HCRTR2: variants seen among roughly 807,000 people sequenced by gnomAD.
The protein encoded by HCRTR2 is orexin receptor type 2.
Under a neutral mutation model 49.0 loss-of-function variants are expected in HCRTR2, and 22 were observed. The observed-to-expected ratio is 0.45, with a 90% CI of 0.32 to 0.64. The LOEUF (loss-of-function observed/expected upper bound fraction) is 0.64, where lower values mean the gene tolerates loss of function less well. Ranked by LOEUF, HCRTR2 falls within the 30% of genes least tolerant of loss-of-function variation. HCRTR2 has a pLI of 0.04. For synonymous variants in HCRTR2, 236 were observed against 205.3 expected, an observed-to-expected ratio of 1.15 and a Z score of -1.28; for missense variants, 491 against 559.4, an observed-to-expected ratio of 0.88 and a Z score of 1.23.
chr6:55,220,075 C>T (rs1335873817), intron 1 of HCRTR2, among the ~76,000 whole-genome samples: 1 of 151,894 alleles, frequency 6.6e-6, no homozygotes, highest in Non-Finnish European at 1.5e-5. Flanking sequence ...AAAAGAAAAT[C>T]CCAGGATCAG....
chr6:55,107,809 A>G (rs1489837293), intron 1 of HCRTR2, among the ~76,000 whole-genome samples: 2 of 152,124 alleles, frequency 1.3e-5, no homozygotes, highest in Admixed American at 1.3e-4. Flanking sequence ...CATTGTAATT[A>G]GATGAGTGCT....
In HCRTR2 at chr6:55,249,972, G is replaced by T. The variant is rs547878989; in HGVS notation, c.402+1155G>T. Among the ~76,000 whole-genome samples the T allele has an allele frequency of 3.3e-5, 5 of 152,162 alleles. No individual in the cohort carries two copies. In the South Asian group the frequency reaches 6.2e-4, roughly 19 times the overall value. ...CCCAGTAACAAAAAATTAGGGAGGG[G>T]TCACAAATAGCCTATTACTAGACAT... On this transcript the variant is annotated intron_variant, in intron 2 of 6. Coordinates refer to ENST00000370862, the MANE Select transcript of HCRTR2 (RefSeq NM_001384272.1).
At chr6:55,182,664 C>A (rs1431126105) in intron 1 of HCRTR2, among the ~76,000 whole-genome samples, 1 of 152,178 alleles carries the variant, frequency 6.6e-6, no homozygotes. Flanking sequence ...TTGCAGATTC[C>A]TGACCATTCA....
Position 55,192,730 on chromosome 6 carries a change from C to T in HCRTR2, c.223+17920C>T, listed in dbSNP as rs566755735. ...TTTCACTAAATCCAATGGCCTTCCTCTTTTGCATGAAGTCTCTAAGAATCA... is the reference window on the plus strand; with the variant it reads ...TTTCACTAAATCCAATGGCCTTCCTTTTTTGCATGAAGTCTCTAAGAATCA... On this transcript the variant is annotated intron_variant, in intron 1 of 6. Coordinates refer to ENST00000370862, the MANE Select transcript of HCRTR2 (RefSeq NM_001384272.1). Among the ~76,000 whole-genome samples, 20 of 152,302 alleles carry T rather than the reference C, an allele frequency of 1.3e-4. No individual in the cohort carries two copies. In the East Asian group the frequency reaches 3.7e-3, roughly 28 times the overall value.
chr6:55,109,562 A>T (rs938109961), intron 1 of HCRTR2, among the ~76,000 whole-genome samples: 5 of 152,208 alleles, frequency 3.3e-5, no homozygotes. Flanking sequence ...ACACACTTGT[A>T]GACATGCAAA....
rs766370940 is a variant in HCRTR2, at chr6:55,282,380, T to C, written c.1261T>C (p.Ser421Pro). Reference sequence around the variant, plus strand: ...CAACTTTGATAACATATCAAAACTTTCTGAGCAAGTTGTGCTCACTAGCAT... The same window carrying C: ...CAACTTTGATAACATATCAAAACTTCCTGAGCAAGTTGTGCTCACTAGCAT... ...ISNFDNISKL[S>P]EQVVLTSIST... Residue 421 changes from serine (S) to proline (P), a missense_variant, in exon 7 of 7, where the codon TCT becomes CCT. Transcript: ENST00000370862. The C allele has an allele frequency of 3.1e-6, 5 of 1,613,440 alleles. No individual in the cohort carries two copies. The highest frequency in any genetic ancestry group is 4.2e-6 in the Non-Finnish European group (5 of 1,179,580).
chr6:55,189,476 C>T (rs995492768), intron 1 of HCRTR2, among the ~76,000 whole-genome samples: 1 of 152,162 alleles, frequency 6.6e-6, no homozygotes, highest in African/African-American at 2.4e-5. Context: ...AAAGAACCTG[C>T]TGATTAATAT....
chr6:55,180,805 A>ATT (rs200515216), intron 1 of HCRTR2, among the ~76,000 whole-genome samples: 1 of 145,302 alleles, frequency 6.9e-6, no homozygotes. Flanking sequence ...ACTTTTTTTA[A>ATT]TTTTTTTTTT....
chr6:55,129,588 T>G (rs2127245017), intron 1 of HCRTR2, among the ~76,000 whole-genome samples: 1 of 152,246 alleles, frequency 6.6e-6, no homozygotes, highest in South Asian at 2.1e-4. Flanking sequence ...CCAGTCTTTG[T>G]GTTCTGACAT....
chr6:55,135,057 G>C (rs779401484), intron 1 of HCRTR2, among the ~76,000 whole-genome samples: 9 of 151,992 alleles, frequency 5.9e-5, no homozygotes, highest in Non-Finnish European at 1.2e-4. Flanking sequence ...TAGTAGCAAA[G>C]AATGTGGTGG....
chr6:55,232,779 G>C (rs113570421), intron 1 of HCRTR2, among the ~76,000 whole-genome samples: 4 of 152,132 alleles, frequency 2.6e-5, no homozygotes, highest in African/African-American at 9.7e-5. Flanking sequence ...ATAGGTACAA[G>C]TATCTCAATC....
At chr6:55,171,320 C>A (rs556797878), upstream of HCRTR2, among the ~76,000 whole-genome samples, 87 of 152,210 alleles carry the variant, frequency 5.7e-4, no homozygotes, top group African/African-American at 1.9e-3. Flanking sequence ...TCATTTAATT[C>A]TTTTAACAAC....
intron 1 of HCRTR2, among the ~76,000 whole-genome samples, chr6:55,166,416 T>A (rs567418459): frequency 2.6e-4 from 39 of 152,158 alleles, no homozygotes; most frequent in Non-Finnish European, 4.0e-4. Context: ...TTTTTTTTTT[T>A]TATAAGTTTG....
chr6:55,245,371 GTA>G (rs71767441), intron 1 of HCRTR2, among the ~76,000 whole-genome samples: 24,842 of 137,188 alleles, frequency 0.18, 2,634 homozygotes, highest in Non-Finnish European at 0.24. Context: ...ATGTGTGTGT[GTA>G]TATATATATA....
At chr6:55,227,543 T>C (rs192401312) in intron 1 of HCRTR2, among the ~76,000 whole-genome samples, 1 of 152,328 alleles carries the variant, frequency 6.6e-6, no homozygotes, top group Admixed American at 6.5e-5. Context: ...TTGTACTGCA[T>C]TAAAGATTAT....
chr6:55,204,101 G>A (rs557077924), intron 1 of HCRTR2, among the ~76,000 whole-genome samples: 2 of 152,196 alleles, frequency 1.3e-5, no homozygotes, highest in African/African-American at 4.8e-5. Context: ...TTGCTTGAGA[G>A]CCTTTCTATC....
At chr6:55,147,307 G>C (rs1764608297) in intron 1 of HCRTR2, among the ~76,000 whole-genome samples, 1 of 151,996 alleles carries the variant, frequency 6.6e-6, no homozygotes, top group Admixed American at 6.6e-5. Flanking sequence ...TAAATACTAT[G>C]TTGTTACTCT....
At chr6:55,111,415 AGATTAACT>A (rs1258082573) in intron 1 of HCRTR2, among the ~76,000 whole-genome samples, 2 of 152,022 alleles carry the variant, frequency 1.3e-5, no homozygotes, top group Non-Finnish European at 2.9e-5. Context: ...AACATTAGTC[AGATTAACT>A]GAAGAGAGAC....
intron 5 of HCRTR2, 27 bp downstream of exon 5, chr6:55,277,627 G>A (rs1404015921): frequency 2.1e-6 from 3 of 1,459,650 alleles, no homozygotes; most frequent in South Asian, 1.1e-5. Flanking sequence ...ATTTGAAAAT[G>A]AAATAGCCTG....
Sources: gnomAD v4.1 joint callset for allele counts (sites outside exome capture counted in the v4.1 genomes callset) on GRCh38, gnomAD v4.1.1 for gene constraint, MANE v1.5 for transcripts, NCBI Gene and HGNC (gene_info 2026-07-23, HGNC 2026-07-21) for gene names.